Variants in PIEZO2 observed in about 807,000 individuals in gnomAD.
PIEZO2 encodes piezo-type mechanosensitive ion channel component 2.
PIEZO2 carries 172 observed loss-of-function variants against 337.3 expected under a neutral mutation model. The observed-to-expected ratio is 0.51, with a 90% CI of 0.45 to 0.58. The LOEUF is 0.58. PIEZO2 is among the 20% of genes least tolerant of loss of function. The probability of loss-of-function intolerance (pLI) is 0.00; values close to 1 mark genes in which losing one functional copy is unlikely to be tolerated. For synonymous variants in PIEZO2, 1,251 were observed against 1,228.5 expected (o/e 1.02, Z -0.38); for missense variants, 3,028 against 3,391.3 (o/e 0.89, Z 2.66).
In PIEZO2 at chr18:11,078,746, A is replaced by G. The variant is rs1313169341; in HGVS notation, c.65-12524T>C. On this transcript the variant is annotated intron_variant, in intron 1 of 55. Transcript: ENST00000674853. The surrounding 1 kb of genome is among the most constrained non-coding windows in gnomAD (Gnocchi z 5.3). ...CTCCCAGAGCAACATCCAAATAGCA[A>G]TGAATTGGATGAATGCCTCAAAATG... is the stretch of plus-strand genomic sequence containing the variant. 2.6e-5 allele frequency among the ~76,000 whole-genome samples: 4 copies of G among 152,190 alleles called. No individual in the cohort carries two copies. The highest frequency in any genetic ancestry group is 4.4e-5 in the Non-Finnish European group (3 of 68,032).
In PIEZO2 at chr18:11,110,049, G is replaced by A. The variant is rs1051197568; in HGVS notation, c.64+38476C>T. Among the ~76,000 whole-genome samples, 1 of 152,152 alleles carries A rather than the reference G, an allele frequency of 6.6e-6. No individual in the cohort carries two copies. The highest frequency in any genetic ancestry group is 1.5e-5 in the Non-Finnish European group (1 of 68,024). On this transcript the variant is annotated intron_variant, in intron 1 of 55. Transcript: ENST00000674853. This position sits in a 1 kb window ranked among gnomAD's most constrained non-coding sequence, Gnocchi z 4.2. ...TTTATCTCCATGGTGGGTGGACAATGACAGGTTCAGGAGTAACTGCAATGC... is the reference window on the plus strand; with the variant it reads ...TTTATCTCCATGGTGGGTGGACAATAACAGGTTCAGGAGTAACTGCAATGC...
intron 49 of PIEZO2, among the ~76,000 whole-genome samples, chr18:10,687,309 GC>G (rs367631411): frequency 2.6e-4 from 39 of 151,858 alleles, no homozygotes; most frequent in African/African-American, 8.9e-4. Flanking sequence ...TGACAGGCCC[GC>G]CCCAGTGTGT....
chr18:10,763,772 T>C (rs1032419360), intron 21 of PIEZO2, among the ~76,000 whole-genome samples: 1 of 152,194 alleles, frequency 6.6e-6, no homozygotes, highest in African/African-American at 2.4e-5. Context: ...GGAGGGCCCA[T>C]TGTGGGGACT....
intron 13 of PIEZO2, 127 bp from the exon 14 acceptor site, chr18:10,791,451 G>C (rs1209219073): frequency 5.5e-6 from 6 of 1,082,128 alleles, no homozygotes; most frequent in Non-Finnish European, 7.3e-6. Context: ...ATTGGAGACA[G>C]AGTCAGGTCA....
rs539203181 is a variant in PIEZO2, at chr18:10,993,519, G to T, written c.161-13859C>A. Among the ~76,000 whole-genome samples the T allele has an allele frequency of 8.4e-4, 127 of 151,912 alleles. No individual in the cohort carries two copies. Among genetic ancestry groups the T allele is most frequent in the African/African-American group, 2.9e-3 (122 of 41,462 alleles). ...TTATGTGATAGATTACGTTTTTGTTGTTGTTGTTGTTGTTGTTGTTGTTTT... is the reference window on the plus strand; with the variant it reads ...TTATGTGATAGATTACGTTTTTGTTTTTGTTGTTGTTGTTGTTGTTGTTTT... On this transcript the variant is annotated intron_variant, in intron 2 of 55. Coordinates refer to ENST00000674853, the MANE Select transcript of PIEZO2 (RefSeq NM_001378183.1). This position sits in a 1 kb window ranked among gnomAD's most constrained non-coding sequence, Gnocchi z 5.0.
rs1294736801 is a variant in PIEZO2 at position 10,878,222 on chromosome 18, A to G, written c.330-6807T>C. On this transcript the variant is annotated intron_variant, in intron 4 of 55. Transcript: ENST00000674853. This position sits in a 1 kb window ranked among gnomAD's most constrained non-coding sequence, Gnocchi z 4.3. Reference sequence around the variant, plus strand: ...ACCAGCATGGTAGATGGTGCAGTGTAAACCATCAGTAAAGGCTGGCTGGAT... The same window carrying G: ...ACCAGCATGGTAGATGGTGCAGTGTGAACCATCAGTAAAGGCTGGCTGGAT... 1.3e-5 allele frequency among the ~76,000 whole-genome samples: 2 copies of G among 152,234 alleles called. No homozygotes were observed. Among genetic ancestry groups the G allele is most frequent in the Non-Finnish European group, 2.9e-5 (2 of 68,048 alleles).
chr18:10,956,688 AG>A (rs1244556493), intron 3 of PIEZO2, among the ~76,000 whole-genome samples: 1 of 152,232 alleles, frequency 6.6e-6, no homozygotes, highest in Non-Finnish European at 1.5e-5. Context: ...AACAACATCC[AG>A]GCCAGGCGCA....
intron 36 of PIEZO2, among the ~76,000 whole-genome samples, chr18:10,720,619 T>A (rs150604738): frequency 6.6e-6 from 1 of 150,680 alleles, no homozygotes; most frequent in South Asian, 2.1e-4. Context: ...CACACCTGAC[T>A]ATATTAAGAA....
chr18:11,034,294 CTTTTCTTTTTT>C (rs1317768624), intron 2 of PIEZO2, among the ~76,000 whole-genome samples: 1 of 148,648 alleles, frequency 6.7e-6, no homozygotes, highest in Non-Finnish European at 1.5e-5. Flanking sequence ...CATTTCTTTT[CTTTTCTTTTTT>C]TTTTCTTTTT....
Position 11,028,264 on chromosome 18 carries a change from AT to A in PIEZO2, c.160+37862del, listed in dbSNP as rs113591783. Among the ~76,000 whole-genome samples the A allele has an allele frequency of 0.025, 3,700 of 149,268 alleles. 114 individuals carry two copies. Among genetic ancestry groups the A allele is most frequent in the African/African-American group, 0.072 (2,906 of 40,578 alleles). On this transcript the variant is annotated intron_variant, in intron 2 of 55. Coordinates refer to ENST00000674853, the MANE Select transcript of PIEZO2 (RefSeq NM_001378183.1). This position sits in a 1 kb window ranked among gnomAD's most constrained non-coding sequence, Gnocchi z 4.8. ...TTCTTCTTCTTCTTTATTTTTTATTATTTTTTTTTATTTTTTGAGACAGAGT... is the reference window on the plus strand; with the variant it reads ...TTCTTCTTCTTCTTTATTTTTTATTATTTTTTTTATTTTTTGAGACAGAGT...
In PIEZO2 at chr18:10,834,421, T is replaced by C. The variant is rs928623882; in HGVS notation, c.917+20932A>G. ...GCACCCGACAATACTATGTGCTCAA[T>C]ACACCTTAACTATTACAACTATGAT... On this transcript the variant is annotated intron_variant, in intron 7 of 55. Coordinates refer to ENST00000674853, the MANE Select transcript of PIEZO2 (RefSeq NM_001378183.1). The surrounding 1 kb of genome is among the most constrained non-coding windows in gnomAD (Gnocchi z 4.5). 6.6e-6 allele frequency among the ~76,000 whole-genome samples: 1 copy of C among 152,206 alleles called. No homozygotes were observed. Among genetic ancestry groups the C allele is most frequent in the Middle Eastern group, 3.2e-3 (1 of 316 alleles).
rs2035183681 is a variant in PIEZO2 at position 10,993,453 on chromosome 18, A to G, written c.161-13793T>C. Among the ~76,000 whole-genome samples the G allele has an allele frequency of 6.6e-6, 1 of 152,184 alleles. No homozygotes were observed. Among genetic ancestry groups the G allele is most frequent in the African/African-American group, 2.4e-5 (1 of 41,452 alleles). Reference sequence around the variant, plus strand: ...GAATTTTGTTGAAAGCCTTTTCTGCATCTATTGAGATAATCATGTCGTTTT... The same window carrying G: ...GAATTTTGTTGAAAGCCTTTTCTGCGTCTATTGAGATAATCATGTCGTTTT... On this transcript the variant is annotated intron_variant, in intron 2 of 55. Coordinates refer to ENST00000674853, the MANE Select transcript of PIEZO2 (RefSeq NM_001378183.1). The surrounding 1 kb of genome is among the most constrained non-coding windows in gnomAD (Gnocchi z 5.0).
At chr18:10,774,171 C>CCTGCATTA (rs1332948693) in intron 18 of PIEZO2, 133 bp from the exon 19 acceptor site, 1 of 648,882 alleles carries the variant, frequency 1.5e-6, no homozygotes, top group Admixed American at 2.3e-5. Flanking sequence ...GCAGTAACGC[C>CCTGCATTA]CTAATGCCAA....
intron 2 of PIEZO2, among the ~76,000 whole-genome samples, chr18:10,999,368 T>A (rs1341887469): frequency 6.6e-6 from 1 of 152,132 alleles, no homozygotes; most frequent in Non-Finnish European, 1.5e-5. Context: ...TCCATATCTG[T>A]GGACTCCATA....
At chr18:10,923,063 G>C (rs1383963278) in intron 3 of PIEZO2, among the ~76,000 whole-genome samples, 1 of 152,040 alleles carries the variant, frequency 6.6e-6, no homozygotes. Context: ...CAAAAAAGTT[G>C]ACTATAGAAG....
rs1181462392 is a variant in PIEZO2 at position 11,009,515 on chromosome 18, G to A, written c.161-29855C>T. Among the ~76,000 whole-genome samples the A allele has an allele frequency of 6.6e-6, 1 of 152,178 alleles. No individual in the cohort carries two copies. Among genetic ancestry groups the A allele is most frequent in the Non-Finnish European group, 1.5e-5 (1 of 68,038 alleles). On this transcript the variant is annotated intron_variant, in intron 2 of 55. Coordinates refer to ENST00000674853, the MANE Select transcript of PIEZO2 (RefSeq NM_001378183.1). The surrounding 1 kb of genome is among the most constrained non-coding windows in gnomAD (Gnocchi z 4.6). ...TGGTTGAGGCGCGTGTGAGAGCAGC[G>A]TATGAGAGTAGCAGCACCTTTCTTC... is the stretch of plus-strand genomic sequence containing the variant.
chr18:10,866,451 A>G lies in PIEZO2; in HGVS notation c.492+4802T>C, dbSNP rs372577835. Reference sequence around the variant, plus strand: ...CAGGCACCCGCCACCACACCTGGCTAATTTTTTGTATTTTTAGTAGAGACA... The same window carrying G: ...CAGGCACCCGCCACCACACCTGGCTGATTTTTTGTATTTTTAGTAGAGACA... On this transcript the variant is annotated intron_variant, in intron 5 of 55. Coordinates refer to ENST00000674853, the MANE Select transcript of PIEZO2 (RefSeq NM_001378183.1). Among the ~76,000 whole-genome samples the G allele has an allele frequency of 3.6e-3, 543 of 152,146 alleles. 3 individuals carry two copies. The highest frequency in any genetic ancestry group is 6.1e-3 in the Non-Finnish European group (416 of 67,992).
intron 1 of PIEZO2, among the ~76,000 whole-genome samples, chr18:11,091,697 G>T (rs945360106): frequency 6.6e-6 from 1 of 152,214 alleles, no homozygotes; most frequent in Non-Finnish European, 1.5e-5. Flanking sequence ...CATACGGCTT[G>T]TCCATCTTGA....
At chr18:11,054,076 G>A (rs2037632078) in intron 2 of PIEZO2, among the ~76,000 whole-genome samples, 1 of 152,004 alleles carries the variant, frequency 6.6e-6, no homozygotes, top group Non-Finnish European at 1.5e-5. Context: ...GCAATTCTTG[G>A]GCGACCTGAC....
Sources: gnomAD v4.1 joint callset for allele counts (sites outside exome capture counted in the v4.1 genomes callset) on GRCh38, gnomAD v4.1.1 for gene constraint, Gnocchi (gnomAD v3.1) non-coding constraint, MANE v1.5 for transcripts, NCBI Gene and HGNC (gene_info 2026-07-23, HGNC 2026-07-21) for gene names.